ELMO1: variants seen among roughly 807,000 people sequenced by gnomAD.
The protein encoded by ELMO1 is engulfment and cell motility 1.
A neutral mutation model predicts 98.9 loss-of-function variants in ELMO1; 26 were observed. The ratio of observed to expected loss-of-function variants is 0.26; its 90% CI spans 0.19 to 0.36. The LOEUF (loss-of-function observed/expected upper bound fraction) is 0.36, where lower values mean the gene tolerates loss of function less well. Among genes scored for constraint, ELMO1 ranks in the 10% least tolerant of loss-of-function variants. ELMO1 has a pLI of 1.00. For missense variants in ELMO1, 627 were observed against 935.2 expected (o/e 0.67, Z 4.30); for synonymous variants, 346 against 346.0 (o/e 1.00, Z 0.00).
At chr7:37,316,292 G>A (rs536446586) in intron 2 of ELMO1, among the ~76,000 whole-genome samples, 33 of 152,298 alleles carry the variant, frequency 2.2e-4, no homozygotes, top group African/African-American at 6.5e-4. Flanking sequence ...GGAAGCCCAT[G>A]AGGCCAAGTC....
intron 1 of ELMO1, among the ~76,000 whole-genome samples, chr7:37,395,831 G>C (rs1803276327): frequency 6.6e-6 from 1 of 152,198 alleles, no homozygotes; most frequent in African/African-American, 2.4e-5. Flanking sequence ...GACTTTCCAA[G>C]TAAAACTGTG....
At chr7:37,056,484 A>G (rs1397619611) in intron 15 of ELMO1, among the ~76,000 whole-genome samples, 1 of 152,242 alleles carries the variant, frequency 6.6e-6, no homozygotes, top group African/African-American at 2.4e-5. Context: ...AAAAGAGGAC[A>G]GGATATCCCT....
chr7:37,024,314 C>G (rs542970142), intron 15 of ELMO1, among the ~76,000 whole-genome samples: 1 of 152,148 alleles, frequency 6.6e-6, no homozygotes, highest in Admixed American at 6.5e-5. Context: ...GTTCGCACAA[C>G]GCTTTGTAGA....
At chr7:37,381,845 A>T (rs1802595362) in intron 1 of ELMO1, among the ~76,000 whole-genome samples, 1 of 152,170 alleles carries the variant, frequency 6.6e-6, no homozygotes, top group Non-Finnish European at 1.5e-5. Context: ...CCTCTTCTAA[A>T]ACACATTCAA....
At chr7:37,211,115 T>C (rs536316760) in intron 13 of ELMO1, 2 of 336,006 alleles carry the variant, frequency 6.0e-6, no homozygotes, top group South Asian at 4.7e-5. Context: ...GAAGTCGAGA[T>C]ACATTCCGGG....
intron 4 of ELMO1, among the ~76,000 whole-genome samples, chr7:37,313,679 G>A (rs1394018038): frequency 6.6e-6 from 1 of 152,178 alleles, no homozygotes; most frequent in Non-Finnish European, 1.5e-5. Context: ...CTGCTGAACT[G>A]AATGCCCTCC....
chr7:37,358,530 T>C (rs1208872959), intron 1 of ELMO1, among the ~76,000 whole-genome samples: 1 of 152,236 alleles, frequency 6.6e-6, no homozygotes, highest in Admixed American at 6.5e-5. Context: ...TGAGTTCTGC[T>C]GACAGGTCTG....
At chr7:37,308,444 C>G (rs183251418) in intron 4 of ELMO1, among the ~76,000 whole-genome samples, 13 of 152,348 alleles carry the variant, frequency 8.5e-5, no homozygotes, top group Non-Finnish European at 1.8e-4. Context: ...CACCATCAAT[C>G]TAGCCCACTT....
intron 15 of ELMO1, among the ~76,000 whole-genome samples, chr7:37,025,899 A>T (rs1182310618): frequency 8.5e-6 from 1 of 117,014 alleles, no homozygotes; most frequent in South Asian, 2.8e-4. Context: ...TATATATTCT[A>T]TCTATCTATC....
At chr7:36,945,753 C>T (rs1413897430) in intron 16 of ELMO1, among the ~76,000 whole-genome samples, 1 of 152,134 alleles carries the variant, frequency 6.6e-6, no homozygotes, top group Non-Finnish European at 1.5e-5. Flanking sequence ...GCCCAGAGTC[C>T]TTGACGGTAC....
rs1369689572 is a variant in ELMO1 at position 37,013,434 on chromosome 7, A to G, written c.1302T>C (p.Pro434=). Residue 434 remains proline (P), a splice_region_variant and synonymous_variant, in exon 16 of 22, where the codon CCT becomes CCC. Coordinates refer to ENST00000310758, the MANE Select transcript of ELMO1 (RefSeq NM_014800.11). ...LCEILKVGEL[P]SETCNDFHPM... ...GGTGGAAGTCGTTGCAGGTCTCACTAGCTGGAGGAAAGAGATGGAAAATAA... is the reference window on the plus strand; with the variant it reads ...GGTGGAAGTCGTTGCAGGTCTCACTGGCTGGAGGAAAGAGATGGAAAATAA... 1.2e-6 allele frequency: 2 copies of G among 1,613,934 alleles called. No homozygotes were observed. Among genetic ancestry groups the G allele is most frequent in the East Asian group, 2.2e-5 (1 of 44,820 alleles).
At chr7:37,124,542 CAA>C (rs1323002187) in intron 14 of ELMO1, among the ~76,000 whole-genome samples, 1 of 152,122 alleles carries the variant, frequency 6.6e-6, no homozygotes, top group African/African-American at 2.4e-5. Flanking sequence ...ACAATTGCTT[CAA>C]AGAGAATAAA....
intron 1 of ELMO1, among the ~76,000 whole-genome samples, chr7:37,385,693 G>T (rs1004605453): frequency 6.6e-6 from 1 of 152,234 alleles, no homozygotes; most frequent in Non-Finnish European, 1.5e-5. Flanking sequence ...CTAGGAGAGG[G>T]TCTGGTAGAT....
At chr7:37,101,606 C>T (rs1784644851) in intron 14 of ELMO1, among the ~76,000 whole-genome samples, 1 of 152,124 alleles carries the variant, frequency 6.6e-6, no homozygotes, top group Admixed American at 6.5e-5. Context: ...CTTAAACTAT[C>T]ACTAAGAGAT....
intron 15 of ELMO1, among the ~76,000 whole-genome samples, chr7:37,072,238 G>A (rs1251968293): frequency 6.6e-6 from 1 of 152,158 alleles, no homozygotes; most frequent in Non-Finnish European, 1.5e-5. Context: ...ATCTTGATTT[G>A]TAACCCCCAC....
chr7:37,116,111 C>T (rs1785571433), intron 14 of ELMO1, among the ~76,000 whole-genome samples: 2 of 152,084 alleles, frequency 1.3e-5, no homozygotes, highest in Admixed American at 6.6e-5. Flanking sequence ...TTGAGAAAAA[C>T]AGAAGAGAGA....
At chr7:37,361,647 G>C (rs1801701965) in intron 1 of ELMO1, among the ~76,000 whole-genome samples, 1 of 152,212 alleles carries the variant, frequency 6.6e-6, no homozygotes, top group African/African-American at 2.4e-5. Flanking sequence ...GAAAATTCTA[G>C]AAAAGGCAAA....
chr7:37,256,783 G>T (rs140443909), intron 6 of ELMO1, among the ~76,000 whole-genome samples: 40 of 143,370 alleles, frequency 2.8e-4, no homozygotes, highest in African/African-American at 8.6e-4. Flanking sequence ...AGGAAGGGAA[G>T]GGAGAAGGGA....
chr7:37,154,747 T>C (rs141490982), intron 13 of ELMO1, among the ~76,000 whole-genome samples: 2 of 152,228 alleles, frequency 1.3e-5, no homozygotes, highest in East Asian at 1.9e-4. Flanking sequence ...CTGCAGGATA[T>C]TACCCAGGAG....
Sources: allele counts gnomAD v4.1 joint callset (sites outside exome capture counted in the v4.1 genomes callset), GRCh38; gene constraint gnomAD v4.1.1; transcripts MANE v1.5; gene names NCBI Gene and HGNC (gene_info 2026-07-23, HGNC 2026-07-21).